WNT5A: variants seen among roughly 807,000 people sequenced by gnomAD.
The protein encoded by WNT5A is protein Wnt-5a.
In WNT5A, 9 loss-of-function variants were observed where a neutral mutation model predicts 42.1. The ratio of observed to expected loss-of-function variants is 0.21; its 90% CI spans 0.13 to 0.37. The LOEUF is 0.37. WNT5A is among the 10% of genes least tolerant of loss of function. WNT5A has a pLI of 1.00. For synonymous variants in WNT5A, 210 were observed against 210.0 expected (o/e 1.00, Z 0.00); for missense variants, 426 against 534.0 (o/e 0.80, Z 1.99).
rs2051210482 is a variant in WNT5A, at chr3:55,469,789, C to G, written c.*303G>C. The stretch of plus-strand genomic sequence containing the variant: ...CTGGATGTGTACCATGTCCACACAG[C>G]TAAGTTAGGGTATGTGTTATTTCCC... On this transcript the variant is annotated 3_prime_UTR_variant, in exon 5 of 5. Coordinates refer to ENST00000264634, the MANE Select transcript of WNT5A (RefSeq NM_003392.7). The G allele has an allele frequency of 3.5e-6, 1 of 288,424 alleles. No individual in the cohort carries two copies. The highest frequency in any genetic ancestry group is 6.5e-6 in the Non-Finnish European group (1 of 154,084). The allele number at this position is 288,424 out of a possible 1,614,324, so 17.9% of individuals were successfully genotyped here. A position where few individuals can be genotyped will look rare whatever the true frequency, so the allele number is the denominator to read the frequency against.
intron 3 of WNT5A, among the ~76,000 whole-genome samples, chr3:55,476,972 A>G (rs116760986): frequency 5.8e-4 from 89 of 152,344 alleles, no homozygotes; most frequent in African/African-American, 2.0e-3. Context: ...CCCTTCATGA[A>G]GTAATTGTGC....
At chr3:55,474,895 TG>T (rs1373370225) in intron 3 of WNT5A, among the ~76,000 whole-genome samples, 1 of 43,694 alleles carries the variant, frequency 2.3e-5, no homozygotes, top group Non-Finnish European at 4.3e-5. Flanking sequence ...CAGGTAGGGC[TG>T]GGGGGAGGTT....
chr3:55,491,776 G>T (rs1221531949), upstream of WNT5A, among the ~76,000 whole-genome samples: 1 of 152,214 alleles, frequency 6.6e-6, no homozygotes, highest in African/African-American at 2.4e-5. Context: ...GGGCAAACAG[G>T]CTCCATCTTC....
Position 55,469,348 on chromosome 3 carries a change from A to T in WNT5A, c.*744T>A, listed in dbSNP as rs1451675160. ...AATCCTAATTCTTATAACAGCTTCA[A>T]ATCAACATCTTGACATAAGAGTTTT... On this transcript the variant is annotated 3_prime_UTR_variant, in exon 5 of 5. Transcript: ENST00000264634. 1 of 152,234 alleles carries T rather than the reference A, an allele frequency of 6.6e-6. No individual in the cohort carries two copies. Among genetic ancestry groups the T allele is most frequent in the East Asian group, 1.9e-4 (1 of 5,202 alleles). 9.4% of individuals were successfully genotyped at this position (152,234 alleles called of 1,614,324 possible).
In WNT5A at chr3:55,467,002, T is replaced by C. The variant is rs1399345347; in HGVS notation, c.*3090A>G. The stretch of plus-strand genomic sequence containing the variant: ...CACTGTCCAGATTTCCGTGTACATT[T>C]TTGAAAAGCACAATAACTTGTATTA... On this transcript the variant is annotated 3_prime_UTR_variant, in exon 5 of 5. Transcript: ENST00000264634. 6.6e-6 allele frequency: 1 copy of C among 152,226 alleles called. No individual in the cohort carries two copies. The highest frequency in any genetic ancestry group is 6.5e-5 in the Admixed American group (1 of 15,292). 9.4% of individuals were successfully genotyped at this position (152,226 alleles called of 1,614,324 possible).
At chr3:55,493,602 C>A (rs1342522379), upstream of WNT5A, among the ~76,000 whole-genome samples, 2 of 152,204 alleles carry the variant, frequency 1.3e-5, no homozygotes, top group Admixed American at 6.5e-5. Context: ...AGTTGTGACA[C>A]AAACCCCTAC....
chr3:55,498,831 T>C, the WNT5A span, among the ~76,000 whole-genome samples: 3 of 152,154 alleles, frequency 2.0e-5, no homozygotes, highest in Non-Finnish European at 2.9e-5. Context: ...ATTTTTAACC[T>C]GTTTGGCTCT....
chr3:55,470,969 G>C (rs985903702), intron 4 of WNT5A, among the ~76,000 whole-genome samples: 4 of 152,146 alleles, frequency 2.6e-5, no homozygotes, highest in African/African-American at 9.7e-5. Flanking sequence ...GTGAGACCCA[G>C]AGAGATGAGC....
chr3:55,467,536 A>G lies in WNT5A; in HGVS notation c.*2556T>C, dbSNP rs1408018596. 1 of 152,564 alleles carries G rather than the reference A, an allele frequency of 6.6e-6. No individual in the cohort carries two copies. Among genetic ancestry groups the G allele is most frequent in the African/African-American group, 2.4e-5 (1 of 41,432 alleles). The allele number at this position is 152,564 out of a possible 1,614,324, so 9.5% of individuals were successfully genotyped here. On this transcript the variant is annotated 3_prime_UTR_variant, in exon 5 of 5. Transcript: ENST00000264634. Reference sequence around the variant, plus strand: ...TAAACTATCCGTCATGGTTTCTCCAAAAATCTCCACATGAATTATCTGAAG... The same window carrying G: ...TAAACTATCCGTCATGGTTTCTCCAGAAATCTCCACATGAATTATCTGAAG...
chr3:55,473,006 ATGT>A (rs1221622443), intron 4 of WNT5A, among the ~76,000 whole-genome samples: 2 of 152,150 alleles, frequency 1.3e-5, no homozygotes, highest in Non-Finnish European at 2.9e-5. Context: ...CATTTAACAG[ATGT>A]GGAAATGGGA....
Position 55,483,816 on chromosome 3 carries a change from A to G in WNT5A, c.7-2898T>C, listed in dbSNP as rs1383353201. Among the ~76,000 whole-genome samples the G allele has an allele frequency of 2.0e-5, 3 of 152,060 alleles. No individual in the cohort carries two copies. The highest frequency in any genetic ancestry group is 2.9e-5 in the Non-Finnish European group (2 of 68,010). On this transcript the variant is annotated intron_variant, in intron 1 of 4. Coordinates refer to ENST00000264634, the MANE Select transcript of WNT5A (RefSeq NM_003392.7). The surrounding 1 kb of genome is among the most constrained non-coding windows in gnomAD (Gnocchi z 4.2). ...AGGTGTTCTTGATCCTTCTTTACCA[A>G]CCACGGTGCGGGCCAGGCGTGATGA... is the stretch of plus-strand genomic sequence containing the variant.
chr3:55,498,142 C>T, the WNT5A span, among the ~76,000 whole-genome samples: 4 of 152,162 alleles, frequency 2.6e-5, no homozygotes, highest in African/African-American at 9.7e-5. Context: ...ATGGCACATT[C>T]TTCAGTTTGC....
In WNT5A at chr3:55,470,387, T is replaced by C. The variant is rs1256476123; in HGVS notation, c.848A>G (p.Lys283Arg). Residue 283 changes from lysine (K) to arginine (R), a missense_variant, in exon 5 of 5, where the codon AAG (lysine) becomes AGG (arginine). Transcript: ENST00000264634. ...AAAMRLNSRGKLVQVNSRFNS... is the reference protein window; with the variant it reads ...AAAMRLNSRGRLVQVNSRFNS... ...GAAGCGGCTGTTGACCTGTACCAAC[T>C]TGCCCCGGCTGTTGAGCCGCATGGC... The C allele has an allele frequency of 1.2e-6, 2 of 1,613,916 alleles. No homozygotes were observed. Among genetic ancestry groups the C allele is most frequent in the Admixed American group, 1.7e-5 (1 of 60,006 alleles).
rs1483757894 is a variant in WNT5A, at chr3:55,474,320, C to G, written c.684+17G>C. 2.5e-6 allele frequency: 4 copies of G among 1,612,134 alleles called. No homozygotes were observed. The highest frequency in any genetic ancestry group is 2.7e-5 in the African/African-American group (2 of 74,870). ...AGAAGACAGAGATGCGGGGCGGGGG[C>G]GAGACGCGGCACTCACCCTGCGGCC... On this transcript the variant is annotated intron_variant, in intron 4 of 4. Coordinates refer to ENST00000264634, the MANE Select transcript of WNT5A (RefSeq NM_003392.7).
At chr3:55,504,557 C>A in the WNT5A span, among the ~76,000 whole-genome samples, 5 of 151,996 alleles carry the variant, frequency 3.3e-5, no homozygotes. Context: ...TCTGCCCTCC[C>A]GGGTTCAAGC....
At chr3:55,481,187 A>C (rs1045588183) in intron 1 of WNT5A, 26 of 711,496 alleles carry the variant, frequency 3.7e-5, no homozygotes, top group Admixed American at 1.5e-4. Context: ...CTGTTGAGTC[A>C]AAGCCCTGGT....
At chr3:55,478,439 T>C (rs2051396243) in intron 3 of WNT5A, among the ~76,000 whole-genome samples, 1 of 152,162 alleles carries the variant, frequency 6.6e-6, no homozygotes, top group Non-Finnish European at 1.5e-5. Context: ...GTCATATTAA[T>C]TATAAGGGCT....
upstream of WNT5A, among the ~76,000 whole-genome samples, chr3:55,495,192 G>C (rs961648197): frequency 6.6e-6 from 1 of 152,086 alleles, no homozygotes; most frequent in African/African-American, 2.4e-5. Flanking sequence ...CTTTTGTGAT[G>C]AGCACATCGA....
chr3:55,491,137 G>A (rs1376002935), upstream of WNT5A, among the ~76,000 whole-genome samples: 1 of 152,174 alleles, frequency 6.6e-6, no homozygotes, highest in African/African-American at 2.4e-5. Flanking sequence ...AGAGGACGGT[G>A]TTAAGGAGAA....
Sources: allele counts gnomAD v4.1 joint callset (sites outside exome capture counted in the v4.1 genomes callset), GRCh38; gene constraint gnomAD v4.1.1; non-coding constraint Gnocchi (gnomAD v3.1); transcripts MANE v1.5; gene names NCBI Gene and HGNC (gene_info 2026-07-23, HGNC 2026-07-21).